The following GABPB1 variants were observed in gnomAD, a reference collection of about 807,000 sequenced individuals.
GABPB1 encodes GA binding protein transcription factor subunit beta 1, also known as GA-binding protein subunit beta-1.
In GABPB1, 15 loss-of-function variants were observed where a neutral mutation model predicts 45.9. That is an observed-to-expected ratio of 0.33 (90% CI 0.22 to 0.50). The LOEUF (loss-of-function observed/expected upper bound fraction) is 0.50, where lower values mean the gene tolerates loss of function less well. GABPB1 is among the 20% of genes least tolerant of loss of function. GABPB1 has a pLI of 0.98. For synonymous variants in GABPB1, 143 were observed against 154.4 expected (o/e 0.93, Z 0.55); for missense variants, 252 against 457.5 (o/e 0.55, Z 4.10).
At chr15:50,323,778 G>A (rs148795633) in intron 1 of GABPB1, among the ~76,000 whole-genome samples, 2 of 152,172 alleles carry the variant, frequency 1.3e-5, no homozygotes, top group Admixed American at 6.5e-5. Context: ...AGGCTGGGGC[G>A]GGAGGATCGC....
chr15:50,333,849 T>C (rs1316175844), intron 1 of GABPB1, among the ~76,000 whole-genome samples: 1 of 151,970 alleles, frequency 6.6e-6, no homozygotes. Flanking sequence ...GCCAACATAG[T>C]AAAACCCCAT....
chr15:50,326,103 C>T (rs1296078521), intron 1 of GABPB1, among the ~76,000 whole-genome samples: 1 of 151,338 alleles, frequency 6.6e-6, no homozygotes, highest in African/African-American at 2.4e-5. Flanking sequence ...GGCAGCGTTT[C>T]ACCATGTTGG....
In GABPB1 at chr15:50,301,374, G is replaced by GA. The variant is rs34151458; in HGVS notation, c.472-7dup. On this transcript the variant is annotated splice_polypyrimidine_tract_variant and splice_region_variant and intron_variant, in intron 4 of 8. Coordinates refer to ENST00000380877, the MANE Select transcript of GABPB1 (RefSeq NM_016654.5). ...ATTTGGTTCTGCATAGCAATCTAGG[G>GA]AAAAAATGACCACAGTGTTTTCAGA... 7 of 1,598,170 alleles carry GA rather than the reference G, an allele frequency of 4.4e-6. No homozygotes were observed. The highest frequency in any genetic ancestry group is 6.0e-6 in the Non-Finnish European group (7 of 1,172,570).
intron 1 of GABPB1, among the ~76,000 whole-genome samples, chr15:50,339,528 A>G (rs921772859): frequency 1.3e-4 from 19 of 151,886 alleles, no homozygotes; most frequent in African/African-American, 4.6e-4. Flanking sequence ...TCTTGAAACC[A>G]TGTTAATAAA....
rs530431097 is a variant in GABPB1, at chr15:50,336,524, A to T, written c.-1+18461T>A. 3.6e-4 allele frequency among the ~76,000 whole-genome samples: 54 copies of T among 151,796 alleles called. 1 individual carries two copies. The highest frequency in any genetic ancestry group is 1.2e-3 in the Admixed American group (19 of 15,240). On this transcript the variant is annotated intron_variant, in intron 1 of 8. Coordinates refer to ENST00000380877, the MANE Select transcript of GABPB1 (RefSeq NM_016654.5). ...CATCTCTACAAAAAAATTTAAAAAA[A>T]TTTTTTTAATTAGCCAGGCATGGTG...
chr15:50,309,793 G>T lies in GABPB1; in HGVS notation c.6C>A (p.Ser2=). The change falls in exon 2 of 9, where the codon TCC becomes TCA. Residue 2 remains serine, a synonymous_variant. Transcript: ENST00000380877. The part of the protein sequence containing the change: M[S]LVDLGKKLLE... ...AAAGCTTCTTTCCCAAATCTACCAG[G>T]GACATCTAAACAAAACATAGATGAA... 6.2e-7 allele frequency: 1 copy of T among 1,602,200 alleles called. No individual in the cohort carries two copies. The highest frequency in any genetic ancestry group is 8.5e-7 in the Non-Finnish European group (1 of 1,169,704).
At chr15:50,339,288 A>G (rs75833006) in intron 1 of GABPB1, among the ~76,000 whole-genome samples, 9,399 of 152,230 alleles carry the variant, frequency 0.062, 840 homozygotes, top group African/African-American at 0.2. Context: ...GCTGCACTCC[A>G]GTCTGGGCAA....
intron 1 of GABPB1, among the ~76,000 whole-genome samples, chr15:50,343,210 T>A (rs1053478814): frequency 6.6e-6 from 1 of 151,918 alleles, no homozygotes; most frequent in South Asian, 2.1e-4. Context: ...GACTTAACAT[T>A]TGAAGCATAA....
Position 50,337,417 on chromosome 15 carries a change from G to A in GABPB1, c.-1+17568C>T, listed in dbSNP as rs1056234280. ...AATCTTAAAAAGTAAACTTTTACTAGTAAACTCTCTTCTCTTCAGACATAA... is the reference window on the plus strand; with the variant it reads ...AATCTTAAAAAGTAAACTTTTACTAATAAACTCTCTTCTCTTCAGACATAA... On this transcript the variant is annotated intron_variant, in intron 1 of 8. Transcript: ENST00000380877. 5.3e-5 allele frequency among the ~76,000 whole-genome samples: 8 copies of A among 152,080 alleles called. No homozygotes were observed. The South Asian group carries it at 1.5e-3, about 28-fold the overall frequency.
chr15:50,348,928 G>T (rs1041495115), intron 1 of GABPB1: 1 of 151,980 alleles, frequency 6.6e-6, no homozygotes, highest in African/African-American at 2.4e-5. Flanking sequence ...AGGAGATGGA[G>T]GTGGACATTT....
intron 3 of GABPB1, 52 bp from the exon 4 acceptor site, chr15:50,303,175 A>G: frequency 5.1e-6 from 7 of 1,377,606 alleles, no homozygotes; most frequent in Non-Finnish European, 7.0e-6. Flanking sequence ...CACATAAAAA[A>G]TTCCTGATAT....
chr15:50,314,187 A>AT (rs202016529), intron 1 of GABPB1, among the ~76,000 whole-genome samples: 32,262 of 139,440 alleles, frequency 0.23, 4,371 homozygotes, highest in Middle Eastern at 0.33. Context: ...TTATTTATTT[A>AT]TTTATTTATT....
chr15:50,286,219 T>C (rs767910495), intron 7 of GABPB1, 36 bp from the exon 8 acceptor site: 1 of 1,360,704 alleles, frequency 7.3e-7, no homozygotes, highest in East Asian at 2.5e-5. Flanking sequence ...TACTTCATTT[T>C]CAGAGAGATT....
At chr15:50,330,533 T>A (rs1387140433) in intron 1 of GABPB1, among the ~76,000 whole-genome samples, 1 of 152,120 alleles carries the variant, frequency 6.6e-6, no homozygotes, top group Non-Finnish European at 1.5e-5. Context: ...TCCTTCCTCA[T>A]CTCATACACA....
chr15:50,342,556 AAGT>A (rs1355834372), intron 1 of GABPB1, among the ~76,000 whole-genome samples: 1 of 152,196 alleles, frequency 6.6e-6, no homozygotes. Flanking sequence ...ATTATAACAA[AAGT>A]AGTTTGTAGT....
At chr15:50,346,784 T>C (rs892701626) in intron 1 of GABPB1, among the ~76,000 whole-genome samples, 61 of 126,478 alleles carry the variant, frequency 4.8e-4, no homozygotes, top group Admixed American at 3.8e-3. Context: ...ACAAGCTGTC[T>C]GGAGTCTTTT....
intron 2 of GABPB1, among the ~76,000 whole-genome samples, chr15:50,305,365 G>C (rs1462515420): frequency 6.6e-6 from 1 of 152,054 alleles, no homozygotes; most frequent in Admixed American, 6.6e-5. Flanking sequence ...ATTAGAGACA[G>C]GGCCTCACTG....
intron 1 of GABPB1, among the ~76,000 whole-genome samples, chr15:50,317,926 T>C (rs76208954): frequency 6.7e-6 from 1 of 149,496 alleles, no homozygotes; most frequent in Non-Finnish European, 1.5e-5. Context: ...AAAAAAAAAT[T>C]AGTTATTGAA....
intron 1 of GABPB1, among the ~76,000 whole-genome samples, chr15:50,339,891 C>A (rs1460708785): frequency 6.6e-6 from 1 of 152,082 alleles, no homozygotes. Context: ...ATATTATCAC[C>A]CTCTTTACTT....
Sources: allele counts gnomAD v4.1 joint callset (sites outside exome capture counted in the v4.1 genomes callset), GRCh38; gene constraint gnomAD v4.1.1; transcripts MANE v1.5; gene names NCBI Gene and HGNC (gene_info 2026-07-23, HGNC 2026-07-21).